Variants in SLC27A6 observed in about 807,000 individuals in gnomAD.
SLC27A6 encodes long-chain fatty acid transport protein 6.
SLC27A6 carries 74 observed loss-of-function variants against 63.9 expected under a neutral mutation model. That is an observed-to-expected ratio of 1.16 (90% CI 0.96 to 1.40). SLC27A6 has a LOEUF of 1.40. SLC27A6 is among the 40% of genes most tolerant of loss of function. The pLI is 0.00. For synonymous variants in SLC27A6, 287 were observed against 260.8 expected (o/e 1.10, Z -0.97); for missense variants, 794 against 732.9 (o/e 1.08, Z -0.96).
At chr5:128,967,699 A>T (rs1450555630) in intron 1 of SLC27A6, among the ~76,000 whole-genome samples, 3 of 152,310 alleles carry the variant, frequency 2.0e-5, no homozygotes, top group African/African-American at 7.2e-5. Flanking sequence ...CACTGTTCCT[A>T]GTTCTTTTCA....
chr5:129,009,025 C>G (rs1751638758), intron 4 of SLC27A6, among the ~76,000 whole-genome samples: 1 of 151,934 alleles, frequency 6.6e-6, no homozygotes, highest in African/African-American at 2.4e-5. Context: ...CACTACCACG[C>G]CCAACTAATT....
At chr5:129,008,163 C>T (rs1751609402) in intron 4 of SLC27A6, among the ~76,000 whole-genome samples, 1 of 152,050 alleles carries the variant, frequency 6.6e-6, no homozygotes, top group African/African-American at 2.4e-5. Flanking sequence ...CCACATAACA[C>T]TAAACAATAG....
intron 4 of SLC27A6, among the ~76,000 whole-genome samples, chr5:129,012,821 C>T (rs995673133): frequency 6.6e-6 from 1 of 151,710 alleles, no homozygotes; most frequent in Non-Finnish European, 1.5e-5. Flanking sequence ...CAATTTTGGG[C>T]TTATGTAATA....
intron 6 of SLC27A6, 57 bp from the exon 7 acceptor site, chr5:129,027,076 G>A: frequency 1.5e-6 from 2 of 1,339,686 alleles, no homozygotes; most frequent in Admixed American, 1.7e-5. Context: ...TACATTCATG[G>A]TGTGTGTAAC....
chr5:129,018,295 C>G (rs916644187), intron 5 of SLC27A6, among the ~76,000 whole-genome samples: 2 of 151,986 alleles, frequency 1.3e-5, no homozygotes, highest in Non-Finnish European at 2.9e-5. Flanking sequence ...TCAAAGAACA[C>G]CTGGAAGCAA....
intron 4 of SLC27A6, among the ~76,000 whole-genome samples, chr5:129,013,026 C>A (rs1476984803): frequency 1.3e-5 from 2 of 151,632 alleles, no homozygotes; most frequent in African/African-American, 4.8e-5. Flanking sequence ...CCCCCTTAAT[C>A]TTCTTTTGAA....
At chr5:129,024,864 T>C (rs1460883658) in intron 6 of SLC27A6, among the ~76,000 whole-genome samples, 3 of 152,142 alleles carry the variant, frequency 2.0e-5, no homozygotes, top group Non-Finnish European at 2.9e-5. Context: ...TTCTGGTAGC[T>C]GAAAGACTAA....
chr5:128,997,329 T>C (rs1751193937), intron 4 of SLC27A6, among the ~76,000 whole-genome samples: 1 of 152,192 alleles, frequency 6.6e-6, no homozygotes, highest in South Asian at 2.1e-4. Context: ...TATTATATGG[T>C]TGAGAAAGTA....
chr5:129,002,434 CT>C (rs1751369164), intron 4 of SLC27A6, among the ~76,000 whole-genome samples: 1 of 152,052 alleles, frequency 6.6e-6, no homozygotes, highest in Non-Finnish European at 1.5e-5. Context: ...TTCCTCCCCA[CT>C]CCCTCCATTG....
At chr5:128,974,174 ATTG>A (rs1750292990) in intron 1 of SLC27A6, among the ~76,000 whole-genome samples, 1 of 152,170 alleles carries the variant, frequency 6.6e-6, no homozygotes, top group African/African-American at 2.4e-5. Context: ...TGTTGACCGA[ATTG>A]TTGTTTAACT....
chr5:128,998,735 A>T (rs949935895), intron 4 of SLC27A6, among the ~76,000 whole-genome samples: 2 of 152,132 alleles, frequency 1.3e-5, no homozygotes, highest in African/African-American at 4.8e-5. Flanking sequence ...TATTTTTCAC[A>T]TTGACTATTC....
At chr5:128,991,536 C>G (rs1750982406) in intron 4 of SLC27A6, among the ~76,000 whole-genome samples, 1 of 152,088 alleles carries the variant, frequency 6.6e-6, no homozygotes, top group African/African-American at 2.4e-5. Context: ...TAACACGCAT[C>G]AGATTATGAA....
intron 4 of SLC27A6, among the ~76,000 whole-genome samples, chr5:129,014,389 T>C (rs1419370161): frequency 6.6e-6 from 1 of 152,206 alleles, no homozygotes; most frequent in African/African-American, 2.4e-5. Context: ...CAGTGTCTTA[T>C]GGGAGCTGGC....
At chr5:129,016,961 A>G (rs1375637658) in intron 5 of SLC27A6, among the ~76,000 whole-genome samples, 1 of 152,220 alleles carries the variant, frequency 6.6e-6, no homozygotes, top group Admixed American at 6.5e-5. Flanking sequence ...ATAACTGTCA[A>G]ACTGGAACTT....
rs17854184 is a variant in SLC27A6, at chr5:128,985,143, A to G, written c.492A>G (p.Gly164=). ...RALVVGADLL[G]TVEEILPSLS... ...CCCTTTGGCTTTTAGATTTGCTTGG[A>G]ACGGTAGAAGAAATCCTTCCAAGCC... is the stretch of plus-strand genomic sequence containing the variant. The change falls in exon 2 of 10, where the codon GGA becomes GGG. Residue 164 remains glycine (G), a synonymous_variant. Transcript: ENST00000262462. 1 of 1,613,264 alleles carries G rather than the reference A, an allele frequency of 6.2e-7. No individual in the cohort carries two copies. The highest frequency in any genetic ancestry group is 8.5e-7 in the Non-Finnish European group (1 of 1,179,704).
intron 2 of SLC27A6, among the ~76,000 whole-genome samples, chr5:128,986,739 T>C (rs1207726085): frequency 1.3e-5 from 2 of 152,150 alleles, no homozygotes; most frequent in Admixed American, 1.3e-4. Context: ...ATTGAACAGA[T>C]ACACAGTCCC....
intron 5 of SLC27A6, among the ~76,000 whole-genome samples, chr5:129,023,246 A>G (rs1240399399): frequency 6.6e-6 from 1 of 151,954 alleles, no homozygotes; most frequent in Non-Finnish European, 1.5e-5. Context: ...AAAACTTTTC[A>G]TTTCAAGGGC....
chr5:129,011,219 G>T (rs1751716126), intron 4 of SLC27A6, among the ~76,000 whole-genome samples: 1 of 152,140 alleles, frequency 6.6e-6, no homozygotes, highest in African/African-American at 2.4e-5. Flanking sequence ...AGTAGATATT[G>T]CTAATCAAAG....
intron 4 of SLC27A6, among the ~76,000 whole-genome samples, chr5:128,998,239 C>T (rs1315250845): frequency 2.6e-5 from 4 of 151,928 alleles, no homozygotes; most frequent in Non-Finnish European, 5.9e-5. Flanking sequence ...CTGCAGTGAG[C>T]TATGATTTCA....
Sources: gnomAD v4.1 joint callset for allele counts (sites outside exome capture counted in the v4.1 genomes callset) on GRCh38, gnomAD v4.1.1 for gene constraint, MANE v1.5 for transcripts, NCBI Gene and HGNC (gene_info 2026-07-23, HGNC 2026-07-21) for gene names.